The following NDUFA10 variants were observed in gnomAD, a reference collection of about 807,000 sequenced individuals.
The protein encoded by NDUFA10 is NADH:ubiquinone oxidoreductase subunit A10.
A neutral mutation model predicts 47.8 loss-of-function variants in NDUFA10; 40 were observed. The ratio of observed to expected loss-of-function variants is 0.84; its 90% confidence interval spans 0.65 to 1.09. The LOEUF is 1.09. Among genes scored for constraint, NDUFA10 ranks in the 50% least tolerant of loss-of-function variants. NDUFA10 has a pLI of 0.00. For synonymous variants in NDUFA10, 183 were observed against 172.2 expected, an observed-to-expected ratio of 1.06 and a Z score of -0.49; for missense variants, 413 against 451.1, an observed-to-expected ratio of 0.92 and a Z score of 0.76.
intron 4 of NDUFA10, among the ~76,000 whole-genome samples, chr2:239,902,863 G>A (rs867516528): frequency 3.3e-5 from 5 of 152,180 alleles, no homozygotes; most frequent in South Asian, 4.1e-4. Flanking sequence ...GGATTCCTGC[G>A]GAAGGGGGCT....
chr2:239,990,906 G>GA (rs529029858), intron 8 of NDUFA10, among the ~76,000 whole-genome samples: 85 of 147,962 alleles, frequency 5.7e-4, no homozygotes, highest in Admixed American at 1.3e-3. Flanking sequence ...TCAGCTTTTG[G>GA]AAAAAAAAAC....
Position 239,985,665 on chromosome 2 carries a change from T to C in NDUFA10, c.999+4409A>G, listed in dbSNP as rs1388038244. ...TGTGGCAAGAGCGATACAGACACACTTTGGGAGGCCAAGGCAGGCAGATCA... is the reference window on the plus strand; with the variant it reads ...TGTGGCAAGAGCGATACAGACACACCTTGGGAGGCCAAGGCAGGCAGATCA... On this transcript the variant is annotated intron_variant, in intron 9 of 9. Coordinates refer to ENST00000252711, the MANE Select transcript of NDUFA10 (RefSeq NM_004544.4). 5.3e-5 allele frequency among the ~76,000 whole-genome samples: 8 copies of C among 152,120 alleles called. 1 individual carries two copies. In the South Asian group the frequency reaches 1.5e-3, roughly 28 times the overall value.
intron 8 of NDUFA10, among the ~76,000 whole-genome samples, chr2:239,990,870 C>T (rs952962544): frequency 6.6e-6 from 1 of 151,780 alleles, no homozygotes; most frequent in Non-Finnish European, 1.5e-5. Flanking sequence ...AACCACTATA[C>T]TTAAAGATTT....
chr2:239,892,753 A>C (rs1049828864), intron 5 of NDUFA10: 1 of 152,298 alleles, frequency 6.6e-6, no homozygotes, highest in Non-Finnish European at 1.5e-5. Context: ...ACCCAAGCAA[A>C]ACATGACTTC....
chr2:239,896,439 G>C (rs1019177704), intron 4 of NDUFA10, among the ~76,000 whole-genome samples: 3 of 152,150 alleles, frequency 2.0e-5, no homozygotes, highest in Admixed American at 6.5e-5. Flanking sequence ...GAAATTCAAG[G>C]GTAGAGGAGC....
At position 239,987,349 on chromosome 2, in the gene NDUFA10, C is replaced by A. The variant is rs1480751740; in HGVS notation, c.999+2725G>T. On this transcript the variant is annotated intron_variant, in intron 9 of 9. Transcript: ENST00000252711. This position sits in a 1 kb window ranked among gnomAD's most constrained non-coding sequence, Gnocchi z 4.8. The stretch of plus-strand genomic sequence containing the variant: ...ATCGACAGGAGGACTCGCTCGAATG[C>A]GTGTCTGGGCCCCATCCCCTGCGTG... Among the ~76,000 whole-genome samples, 2 of 151,946 alleles carry A rather than the reference C, an allele frequency of 1.3e-5. No homozygotes were observed. The highest frequency in any genetic ancestry group is 2.9e-5 in the Non-Finnish European group (2 of 68,006).
chr2:240,018,378 G>T, intron 4 of NDUFA10, 175 bp downstream of exon 4: 1 of 1,528,814 alleles, frequency 6.5e-7, no homozygotes, highest in Non-Finnish European at 8.8e-7. Context: ...TCAGGAGGGA[G>T]AAAGGGTGGA....
intron 8 of NDUFA10, among the ~76,000 whole-genome samples, chr2:239,995,001 G>A (rs1004085068): frequency 1.3e-5 from 2 of 152,206 alleles, no homozygotes; most frequent in Non-Finnish European, 2.9e-5. Context: ...GAGGCCGGGT[G>A]CGGCGACTCA....
At chr2:239,935,407 TGCA>T (rs905713920) in intron 4 of NDUFA10, among the ~76,000 whole-genome samples, 2 of 152,166 alleles carry the variant, frequency 1.3e-5, no homozygotes, top group Non-Finnish European at 2.9e-5. Context: ...CCCTGGGCCC[TGCA>T]GGCCGACAGG....
rs368264641 is a variant in NDUFA10 at position 239,973,520 on chromosome 2, AGATTCT to A, written c.1000-12340_1000-12335del. On this transcript the variant is annotated intron_variant, in intron 9 of 9. Transcript: ENST00000252711. Reference sequence around the variant, plus strand: ...CAAAAATAGCAGGCGAGAAAACAGAAGATTCTGTTGTCCTAGCAACTATCTTGGACA... The same window carrying A: ...CAAAAATAGCAGGCGAGAAAACAGAAGTTGTCCTAGCAACTATCTTGGACA... 1.0e-3 allele frequency: 472 copies of A among 471,062 alleles called. 4 individuals carry two copies. Among genetic ancestry groups the A allele is most frequent in the African/African-American group, 8.8e-3 (441 of 50,208 alleles). The allele number at this position is 471,062 out of a possible 1,614,324, so 29.2% of individuals were successfully genotyped here.
At position 240,018,544 on chromosome 2, in the gene NDUFA10, C is replaced by T. The variant is rs1312367987; in HGVS notation, c.547+9G>A. ...CACACCCAGAAGTGGGTCTGCAATG[C>T]TGACTCACACTGCTTTCGGATGAAT... On this transcript the variant is annotated intron_variant, in intron 4 of 9. Coordinates refer to ENST00000252711, the MANE Select transcript of NDUFA10 (RefSeq NM_004544.4). The T allele has an allele frequency of 3.1e-6, 5 of 1,614,104 alleles. 1 individual carries two copies. The highest frequency in any genetic ancestry group is 4.5e-5 in the East Asian group (2 of 44,890).
chr2:239,982,040 T>G, intron 9 of NDUFA10: 2 of 1,595,190 alleles, frequency 1.3e-6, no homozygotes, highest in Non-Finnish European at 1.7e-6. Context: ...TCTGCTCTAA[T>G]AGTCACACGT....
downstream of NDUFA10, among the ~76,000 whole-genome samples, chr2:239,955,260 A>G (rs1441957221): frequency 1.3e-5 from 2 of 152,154 alleles, no homozygotes; most frequent in Non-Finnish European, 2.9e-5. Flanking sequence ...TCTCTCCACA[A>G]AACATGAAGG....
intron 4 of NDUFA10, among the ~76,000 whole-genome samples, chr2:239,899,002 A>AGGAGTCATGGAGGGGTGTAAAGGAGG (rs1693464760): frequency 1.9e-5 from 1 of 52,726 alleles, no homozygotes; most frequent in Non-Finnish European, 4.0e-5. Flanking sequence ...TGTGATGGAG[A>AGGAGTCATGGAGGGGTGTAAAGGAGG]GGTGTGATGG....
intron 4 of NDUFA10, among the ~76,000 whole-genome samples, chr2:239,911,085 C>T (rs751181567): frequency 2.6e-5 from 4 of 152,218 alleles, no homozygotes; most frequent in South Asian, 2.1e-4. Flanking sequence ...GGCACTCAGC[C>T]GTAGTCACAC....
intron 3 of NDUFA10, 107 bp from the exon 4 acceptor site, chr2:240,018,746 C>A: frequency 8.4e-7 from 1 of 1,196,054 alleles, no homozygotes; most frequent in Non-Finnish European, 1.2e-6. Context: ...TTTACAATTC[C>A]ATTTCCACAC....
chr2:239,977,944 G>A (rs556811613), intron 9 of NDUFA10, among the ~76,000 whole-genome samples: 196 of 152,274 alleles, frequency 1.3e-3, no homozygotes, highest in African/African-American at 4.5e-3. Context: ...GGAGGAAAGA[G>A]CCCTCACCCA....
chr2:239,905,775 C>G lies in NDUFA10; in HGVS notation c.295-10461G>C, dbSNP rs1400221661. Among the ~76,000 whole-genome samples, 7 of 148,506 alleles carry G rather than the reference C, an allele frequency of 4.7e-5. No individual in the cohort carries two copies. In the East Asian group the frequency reaches 1.4e-3, roughly 30 times the overall value. On this transcript the variant is annotated intron_variant, in intron 4 of 5. Coordinates refer to the NDUFA10 transcript ENST00000419408. ...TCTGCCAAGGGATGAGGCTAATTAT[C>G]TCTGAAGAAGAAGAAGCGGGGAGAG... is the stretch of plus-strand genomic sequence containing the variant.
intron 1 of NDUFA10, 63 bp downstream of exon 1, chr2:240,025,164 T>TGCCCCCCCCCCCCCCCCCCCCCCC: frequency 5.0e-6 from 3 of 594,914 alleles, no homozygotes; most frequent in Non-Finnish European, 5.5e-6. Flanking sequence ...GTGGAACTGC[T>TGCCCCCCCCCCCCCCCCCCCCCCC]CCCCACCCCG....
Sources: allele counts gnomAD v4.1 joint callset (sites outside exome capture counted in the v4.1 genomes callset), GRCh38; gene constraint gnomAD v4.1.1; non-coding constraint Gnocchi (gnomAD v3.1); transcripts MANE v1.5; gene names NCBI Gene and HGNC (gene_info 2026-07-23, HGNC 2026-07-21).